The following AXL variants were observed in gnomAD, a reference collection of about 807,000 sequenced individuals.
The protein encoded by AXL is AXL receptor tyrosine kinase.
A neutral mutation model predicts 104.5 loss-of-function variants in AXL; 52 were observed. The ratio of observed to expected loss-of-function variants is 0.50; its 90% CI spans 0.40 to 0.63. AXL has a LOEUF of 0.63. Among genes scored for constraint, AXL ranks in the 20% least tolerant of loss-of-function variants. AXL has a pLI of 0.00. For missense variants in AXL, 1,024 were observed against 1,188.5 expected (o/e 0.86, Z 2.04); for synonymous variants, 455 against 473.7 (o/e 0.96, Z 0.51).
At position 41,221,894 on chromosome 19, in the gene AXL, C is replaced by T. The variant is rs2122198506; in HGVS notation, c.424C>T (p.Leu142=). The T allele has an allele frequency of 1.2e-6, 2 of 1,613,780 alleles. No individual in the cohort carries two copies. The highest frequency in any genetic ancestry group is 1.7e-4 in the Middle Eastern group (1 of 6,056). Residue 142 remains leucine (L), a synonymous_variant, in exon 4 of 20, where the codon CTG becomes TTG. Coordinates refer to ENST00000301178, the MANE Select transcript of AXL (RefSeq NM_021913.5). ...CACCCCGCTAGGCTTGCCTTACTTC[C>T]TGGAGGAGCCCGAAGACAGGACTGT... ...YVGLEGLPYF[L]EEPEDRTVAA...
At position 41,219,324 on chromosome 19, in the gene AXL, C is replaced by T. The variant is rs879539383; in HGVS notation, c.-69C>T. 87 of 1,460,170 alleles carry T rather than the reference C, an allele frequency of 6.0e-5. No homozygotes were observed. Among genetic ancestry groups the T allele is most frequent in the Non-Finnish European group, 7.2e-5 (78 of 1,078,976 alleles). The allele number at this position is 1,460,170 out of a possible 1,614,324, so 90.5% of individuals were successfully genotyped here. ...GGGAGCCTGGAGCTGGGGGGAGGGC[C>T]GGGGACAGCCCGGCCCTGCCCCCTC... On this transcript the variant is annotated 5_prime_UTR_variant, in exon 1 of 20. Coordinates refer to ENST00000301178, the MANE Select transcript of AXL (RefSeq NM_021913.5).
chr19:41,241,122 G>T (rs2034173675), intron 10 of AXL, among the ~76,000 whole-genome samples: 1 of 151,946 alleles, frequency 6.6e-6, no homozygotes, highest in African/African-American at 2.4e-5. Context: ...CTCACTCCTT[G>T]TATCTAAGAC....
intron 6 of AXL, among the ~76,000 whole-genome samples, chr19:41,235,374 ATAG>A (rs2034061131): frequency 5.9e-5 from 8 of 134,504 alleles, no homozygotes; most frequent in Admixed American, 1.6e-4. Flanking sequence ...AAATAAATAG[ATAG>A]ATAGATAGAT....
chr19:41,220,817 T>C lies in AXL; in HGVS notation c.267T>C (p.Gly89=). The C allele has an allele frequency of 1.9e-6, 3 of 1,613,796 alleles. No homozygotes were observed. The East Asian group carries it at 6.7e-5, about 36-fold the overall frequency. The change falls in exon 2 of 20, where the codon GGT becomes GGC. Residue 89 remains glycine, a synonymous_variant. Transcript: ENST00000301178. ...ADSTQTQVPL[G]EDEQDDWIVV... ...GCACCCAGACCCAGGTGCCCCTGGG[T>C]GAGGATGAACAGGATGACTGGATAG...
chr19:41,227,046 C>T (rs2033893905), intron 4 of AXL: 1 of 152,422 alleles, frequency 6.6e-6, no homozygotes, highest in African/African-American at 2.4e-5. Flanking sequence ...AGCAGTGAGC[C>T]GTGATTGTGC....
chr19:41,239,415 T>A (rs921692929), intron 9 of AXL, 101 bp downstream of exon 9: 37 of 1,480,872 alleles, frequency 2.5e-5, no homozygotes, highest in Non-Finnish European at 3.3e-5. Context: ...TTAGGCCCTG[T>A]TCCTACCCTG....
chr19:41,247,532 A>G (rs571673377), intron 12 of AXL, among the ~76,000 whole-genome samples: 1 of 152,112 alleles, frequency 6.6e-6, no homozygotes, highest in African/African-American at 2.4e-5. Flanking sequence ...AAATCCACTG[A>G]GTTGCTTACT....
intron 17 of AXL, among the ~76,000 whole-genome samples, chr19:41,254,639 C>T (rs2034425488): frequency 6.6e-6 from 1 of 151,128 alleles, no homozygotes; most frequent in South Asian, 2.1e-4. Context: ...TTAGTCTTGG[C>T]CAGGCGCAGT....
intron 4 of AXL, among the ~76,000 whole-genome samples, chr19:41,229,826 A>C (rs566001647): frequency 6.6e-6 from 1 of 152,106 alleles, no homozygotes; most frequent in South Asian, 2.1e-4. Context: ...AGATGAACAG[A>C]CATGTCTCCA....
In AXL at chr19:41,221,878, A is replaced by T. The variant is rs1314691331; in HGVS notation, c.410-2A>T. The T allele has an allele frequency of 6.2e-7, 1 of 1,613,382 alleles. No homozygotes were observed. Among genetic ancestry groups the T allele is most frequent in the South Asian group, 1.1e-5 (1 of 90,944 alleles). Reference sequence around the variant, plus strand: ...AGCCTCTACCACTGCCCACCCCGCTAGGCTTGCCTTACTTCCTGGAGGAGC... The same window carrying T: ...AGCCTCTACCACTGCCCACCCCGCTTGGCTTGCCTTACTTCCTGGAGGAGC... On this transcript the variant is annotated splice_acceptor_variant, in intron 3 of 19. Coordinates refer to ENST00000301178, the MANE Select transcript of AXL (RefSeq NM_021913.5). LOFTEE classifies it high-confidence loss of function.
chr19:41,247,086 G>A (rs1248410100), intron 12 of AXL, among the ~76,000 whole-genome samples: 1 of 152,168 alleles, frequency 6.6e-6, no homozygotes, highest in Non-Finnish European at 1.5e-5. Context: ...AATATACTAT[G>A]TGATTCCATT....
intron 14 of AXL, 112 bp from the exon 15 acceptor site, chr19:41,252,239 A>AT: frequency 1.1e-6 from 1 of 890,802 alleles, no homozygotes; most frequent in Non-Finnish European, 1.8e-6. Flanking sequence ...CTTACTAATC[A>AT]TGTTTGATGA....
intron 4 of AXL, among the ~76,000 whole-genome samples, chr19:41,227,908 G>A (rs2033911173): frequency 6.6e-6 from 1 of 152,282 alleles, no homozygotes; most frequent in African/African-American, 2.4e-5. Flanking sequence ...GCACTGAGAT[G>A]CTGGACAAAG....
chr19:41,239,016 T>G, intron 8 of AXL, 148 bp from the exon 9 acceptor site: 1 of 898,722 alleles, frequency 1.1e-6, no homozygotes, highest in Non-Finnish European at 1.7e-6. Context: ...AGGATGAGGA[T>G]GAGAGATGAA....
chr19:41,220,414 C>T, intron 1 of AXL: 2 of 530,392 alleles, frequency 3.8e-6, no homozygotes, highest in Non-Finnish European at 3.4e-6. Context: ...CCCGAGCCTC[C>T]TTCCCGACGG....
intron 4 of AXL, among the ~76,000 whole-genome samples, chr19:41,229,790 GA>G (rs1248943487): frequency 2.6e-5 from 4 of 152,142 alleles, no homozygotes; most frequent in Non-Finnish European, 5.9e-5. Context: ...GAGAGTGGGA[GA>G]GGGGTTGGTA....
chr19:41,239,537 G>A (rs895605103), intron 9 of AXL, among the ~76,000 whole-genome samples, 157 bp from the exon 10 acceptor site: 4 of 151,580 alleles, frequency 2.6e-5, no homozygotes, highest in African/African-American at 7.3e-5. Flanking sequence ...CCTTACCCGT[G>A]CCACACCCTC....
chr19:41,240,200 A>G (rs1456836091), intron 10 of AXL, among the ~76,000 whole-genome samples: 3 of 138,536 alleles, frequency 2.2e-5, no homozygotes, highest in Non-Finnish European at 4.6e-5. Context: ...GGATAAATGG[A>G]TGGGTAGATG....
chr19:41,229,907 G>A (rs111908334), intron 4 of AXL, among the ~76,000 whole-genome samples: 207 of 152,228 alleles, frequency 1.4e-3, no homozygotes, highest in African/African-American at 4.9e-3. Flanking sequence ...TTGTGTCCTT[G>A]TGAGTTAGTG....
Sources: gnomAD v4.1 joint callset for allele counts (sites outside exome capture counted in the v4.1 genomes callset) on GRCh38, gnomAD v4.1.1 for gene constraint, MANE v1.5 for transcripts, NCBI Gene and HGNC (gene_info 2026-07-23, HGNC 2026-07-21) for gene names.